The following CMTM1 variants were observed in gnomAD, a reference collection of about 807,000 sequenced individuals.
CMTM1 encodes the protein CKLF like MARVEL transmembrane domain containing 1.
In CMTM1, 16 loss-of-function variants were observed where a neutral mutation model predicts 17.8. The observed-to-expected ratio is 0.90, with a 90% CI of 0.61 to 1.37. The LOEUF is 1.37. CMTM1 is among the 40% of genes most tolerant of loss of function. The pLI, the probability that CMTM1 is intolerant of heterozygous loss-of-function variation, is 0.00. For synonymous variants in CMTM1, 169 were observed against 154.6 expected, an observed-to-expected ratio of 1.09 and a Z score of -0.69; for missense variants, 354 against 375.6, an observed-to-expected ratio of 0.94 and a Z score of 0.47.
Position 66,566,620 on chromosome 16 carries a change from C to G in CMTM1, c.107C>G (p.Ser36Cys). The part of the protein sequence containing the change: ...ALASSGSVVS[S>C]VPKAQRNISA... ...GCAAGTAGCGGCAGCGTAGTGAGTT[C>G]TGTACCCAAGGCACAGCGCAACATC... Residue 36 changes from serine to cysteine, a missense_variant, in exon 1 of 4, where the codon TCT becomes TGT. By Grantham distance (112) the Ser-to-Cys change is moderately radical. Coordinates refer to ENST00000379500, the MANE Select transcript of CMTM1 (RefSeq NM_052999.4). The surrounding 1 kb of genome is among the most constrained non-coding windows in gnomAD (Gnocchi z 4.9). 6.2e-7 allele frequency: 1 copy of G among 1,614,086 alleles called. No individual in the cohort carries two copies. The highest frequency in any genetic ancestry group is 8.5e-7 in the Non-Finnish European group (1 of 1,180,000).
chr16:66,578,956 C>A lies in CMTM1; in HGVS notation c.816C>A (p.Asp272Glu). 3 of 1,614,102 alleles carry A rather than the reference C, an allele frequency of 1.9e-6. No homozygotes were observed. Among genetic ancestry groups the A allele is most frequent in the East Asian group, 2.2e-5 (1 of 44,878 alleles). ...EVERKLSPAK[D>E]AYPETGPDAP... ...AAAGGAAGCTTTCCCCCGCCAAGGACGCCTACCCCGAAACCGGCCCCGACG... is the reference window on the plus strand; with the variant it reads ...AAAGGAAGCTTTCCCCCGCCAAGGAAGCCTACCCCGAAACCGGCCCCGACG... Residue 272 changes from aspartate to glutamate, a missense_variant, in exon 4 of 4, where the codon GAC becomes GAA. Physicochemically the swap from Asp to Glu is conservative, Grantham distance 45 (BLOSUM62 2). Transcript: ENST00000379500.
intron 2 of CMTM1, chr16:66,571,375 C>A: frequency 3.0e-6 from 1 of 335,458 alleles, no homozygotes; most frequent in Non-Finnish European, 5.9e-6. Context: ...CCCCTCACCC[C>A]TCATTTAACA....
intron 3 of CMTM1, 114 bp from the exon 4 acceptor site, chr16:66,578,717 G>A: frequency 7.1e-7 from 1 of 1,401,118 alleles, no homozygotes; most frequent in Admixed American, 2.0e-5. Flanking sequence ...GGGTCAGAGG[G>A]GACAGGAGGC....
At chr16:66,571,429 C>A (rs1328626618) in intron 2 of CMTM1, among the ~76,000 whole-genome samples, 2 of 152,164 alleles carry the variant, frequency 1.3e-5, no homozygotes, top group Admixed American at 1.3e-4. Context: ...CAATTGAATT[C>A]AATTCAGTAG....
At chr16:66,571,773 T>G (rs923998686) in intron 2 of CMTM1, among the ~76,000 whole-genome samples, 9 of 152,138 alleles carry the variant, frequency 5.9e-5, no homozygotes, top group African/African-American at 2.2e-4. Context: ...CTCTGAGAAA[T>G]GGACTCATGC....
rs1281330920 is a variant in CMTM1, at chr16:66,566,852, C to T, written c.339C>T (p.Arg113=). ...KLLNEMAIKE[R]VEGRAKVPYK... ...TAAATGAGATGGCGATCAAAGAGCGCGTGGAGGGCCGAGCCAAAGTCCCGT... is the reference window on the plus strand; with the variant it reads ...TAAATGAGATGGCGATCAAAGAGCGTGTGGAGGGCCGAGCCAAAGTCCCGT... Residue 113 remains arginine (R), a synonymous_variant, in exon 1 of 4, where the codon CGC becomes CGT. Transcript: ENST00000379500. The surrounding 1 kb of genome is among the most constrained non-coding windows in gnomAD (Gnocchi z 4.9). 7 of 1,611,776 alleles carry T rather than the reference C, an allele frequency of 4.3e-6. No homozygotes were observed. The highest frequency in any genetic ancestry group is 4.5e-5 in the East Asian group (2 of 44,582).
At chr16:66,567,071 C>T (rs1441744039) in intron 1 of CMTM1, 126 bp downstream of exon 1, 2 of 943,776 alleles carry the variant, frequency 2.1e-6, no homozygotes, top group East Asian at 2.6e-5. Flanking sequence ...TTTGTTTTGC[C>T]TCACCTTTCC....
chr16:66,577,070 T>A (rs574708714), intron 2 of CMTM1, 34 bp from the exon 3 acceptor site: 23 of 1,574,254 alleles, frequency 1.5e-5, no homozygotes, highest in Non-Finnish European at 2.0e-5. Context: ...TATATTGTTG[T>A]GTAAACTTGA....
At chr16:66,576,748 C>CA (rs925040994) in intron 2 of CMTM1, among the ~76,000 whole-genome samples, 3 of 151,900 alleles carry the variant, frequency 2.0e-5, no homozygotes, top group Admixed American at 6.6e-5. Context: ...TAAGACTTCC[C>CA]AAAAAAAATC....
Position 66,566,673 on chromosome 16 carries a change from C to A in CMTM1, c.160C>A (p.Pro54Thr). 1 of 1,614,110 alleles carries A rather than the reference C, an allele frequency of 6.2e-7. No homozygotes were observed. Among genetic ancestry groups the A allele is most frequent in the Non-Finnish European group, 8.5e-7 (1 of 1,180,008 alleles). Residue 54 changes from proline (P) to threonine (T), a missense_variant, in exon 1 of 4, where the codon CCC becomes ACC. By Grantham distance (38) the Pro-to-Thr change is conservative. Transcript: ENST00000379500. The surrounding 1 kb of genome is among the most constrained non-coding windows in gnomAD (Gnocchi z 4.9). ...AGCGAAGACCGCACCCCGGAAGCAC[C>A]CCGCAGTCTCAATTCGCAGTGCGCA... ...ISAKTAPRKH[P>T]AVSIRSAQSA...
In CMTM1 at chr16:66,578,923, C is replaced by T. The variant is rs756055758; in HGVS notation, c.783C>T (p.Val261=). 30 of 1,614,024 alleles carry T rather than the reference C, an allele frequency of 1.9e-5. No individual in the cohort carries two copies. The highest frequency in any genetic ancestry group is 4.5e-5 in the East Asian group (2 of 44,884). Residue 261 remains valine, a synonymous_variant, in exon 4 of 4, where the codon GTC becomes GTT. Transcript: ENST00000379500. ...MRTNLKRFLG[V]EVERKLSPAK... ...CCAACTTGAAAAGATTCCTGGGAGT[C>T]GAAGTTGAAAGGAAGCTTTCCCCCG...
chr16:66,573,683 CTTTTTTT>C (rs954623005), intron 2 of CMTM1, among the ~76,000 whole-genome samples: 31 of 117,642 alleles, frequency 2.6e-4, no homozygotes, highest in South Asian at 1.1e-3. Flanking sequence ...TAACGTTTTT[CTTTTTTT>C]TTTTTTTTTT....
intron 3 of CMTM1, 120 bp downstream of exon 3, chr16:66,577,322 T>C: frequency 2.9e-6 from 2 of 694,918 alleles, no homozygotes; most frequent in Middle Eastern, 4.9e-4. Flanking sequence ...CCACTCTCCT[T>C]CTTGCACTGA....
Position 66,579,114 on chromosome 16 carries a change from G to T in CMTM1, c.*113G>T. 2 of 1,385,712 alleles carry T rather than the reference G, an allele frequency of 1.4e-6. No homozygotes were observed. Among genetic ancestry groups the T allele is most frequent in the South Asian group, 2.8e-5 (2 of 71,186 alleles). 85.8% of individuals were successfully genotyped at this position (1,385,712 alleles called of 1,614,324 possible). On this transcript the variant is annotated 3_prime_UTR_variant, in exon 4 of 4. Coordinates refer to ENST00000379500, the MANE Select transcript of CMTM1 (RefSeq NM_052999.4). This position sits in a 1 kb window ranked among gnomAD's most constrained non-coding sequence, Gnocchi z 6.5. Reference sequence around the variant, plus strand: ...CAGCCTAAATGTGACCATAAAATTAGGGCTGCTGCTTTTATCGAGAACACC... The same window carrying T: ...CAGCCTAAATGTGACCATAAAATTATGGCTGCTGCTTTTATCGAGAACACC...
At chr16:66,571,188 C>T in intron 2 of CMTM1, 2 of 457,340 alleles carry the variant, frequency 4.4e-6, no homozygotes, top group Non-Finnish European at 8.8e-6. Flanking sequence ...TTTAATTGAA[C>T]ATGTGGAAGA....
rs116389842 is a variant in CMTM1, at chr16:66,575,078, G to T, written c.592-2026G>T. ...TCCACCAGCCCTGCTACATACCCCT[G>T]TTCCAGCATTAACTACCAGGCACCA... is the stretch of plus-strand genomic sequence containing the variant. On this transcript the variant is annotated intron_variant, in intron 2 of 3. Coordinates refer to ENST00000379500, the MANE Select transcript of CMTM1 (RefSeq NM_052999.4). 2,091 of 985,434 alleles carry T rather than the reference G, an allele frequency of 2.1e-3. 33 individuals carry two copies. The African/African-American group carries it at 0.034, about 16-fold the overall frequency. The allele number at this position is 985,434 out of a possible 1,614,324, so 61.0% of individuals were successfully genotyped here.
chr16:66,571,105 T>TG (rs144783549), intron 2 of CMTM1: 26,135 of 449,664 alleles, frequency 0.058, 1,494 homozygotes, highest in Admixed American at 0.16. Flanking sequence ...AGAGATTTTC[T>TG]CAAAGGCTGC....
intron 2 of CMTM1, among the ~76,000 whole-genome samples, chr16:66,576,449 G>A (rs2014258063): frequency 6.6e-6 from 1 of 151,884 alleles, no homozygotes; most frequent in Admixed American, 6.6e-5. Flanking sequence ...CCAGAAGAAG[G>A]AGCACAATGA....
intron 2 of CMTM1, among the ~76,000 whole-genome samples, chr16:66,576,774 C>A (rs750724537): frequency 2.0e-5 from 3 of 151,404 alleles, no homozygotes; most frequent in Non-Finnish European, 2.9e-5. Context: ...TATGGAGGGC[C>A]AATTTGGGAT....
Sources: allele counts gnomAD v4.1 joint callset (sites outside exome capture counted in the v4.1 genomes callset), GRCh38; gene constraint gnomAD v4.1.1; non-coding constraint Gnocchi (gnomAD v3.1); transcripts MANE v1.5; gene names NCBI Gene and HGNC (gene_info 2026-07-23, HGNC 2026-07-21).